HPSE: variants seen among roughly 807,000 people sequenced by gnomAD.
HPSE encodes the protein heparanase, also known as endo-glucoronidase.
Under a neutral mutation model 65.1 loss-of-function variants are expected in HPSE, and 48 were observed. That is an observed-to-expected ratio of 0.74 (90% confidence interval 0.58 to 0.94). HPSE has a LOEUF of 0.94. HPSE is among the 40% of genes least tolerant of loss of function. HPSE has a pLI of 0.00. For missense variants in HPSE, 644 were observed against 637.5 expected, an observed-to-expected ratio of 1.01 and a Z score of -0.11; for synonymous variants, 243 against 260.0, an observed-to-expected ratio of 0.93 and a Z score of 0.63.
At chr4:83,309,826 T>G (rs1048615399) in intron 6 of HPSE, among the ~76,000 whole-genome samples, 1 of 152,262 alleles carries the variant, frequency 6.6e-6, no homozygotes, top group Non-Finnish European at 1.5e-5. Context: ...TAAAGTGATC[T>G]TTATAGAAAC....
intron 2 of HPSE, among the ~76,000 whole-genome samples, chr4:83,321,987 CTTTTTT>C (rs36002405): frequency 5.4e-5 from 5 of 92,558 alleles, no homozygotes; most frequent in Non-Finnish European, 9.6e-5. Flanking sequence ...TCCAGGACGC[CTTTTTT>C]TTTTTTTTTT....
At chr4:83,324,100 ACTT>A (rs1333975125) in intron 1 of HPSE, among the ~76,000 whole-genome samples, 5 of 133,422 alleles carry the variant, frequency 3.7e-5, no homozygotes, top group African/African-American at 1.2e-4. Context: ...GATTGCCAAT[ACTT>A]CTTCTTCTTC....
At chr4:83,303,006 A>T (rs1160019189) in intron 9 of HPSE, among the ~76,000 whole-genome samples, 1 of 152,156 alleles carries the variant, frequency 6.6e-6, no homozygotes, top group East Asian at 1.9e-4. Context: ...TTAAAAAAAA[A>T]TTTATTTTAA....
intron 11 of HPSE, among the ~76,000 whole-genome samples, chr4:83,296,100 A>G (rs1303597280): frequency 6.6e-6 from 1 of 152,186 alleles, no homozygotes; most frequent in East Asian, 1.9e-4. Flanking sequence ...AGAAAATTTT[A>G]TATTTTCTAT....
chr4:83,315,476 C>T (rs888811364), intron 3 of HPSE, among the ~76,000 whole-genome samples: 2 of 152,188 alleles, frequency 1.3e-5, no homozygotes, highest in African/African-American at 2.4e-5. Flanking sequence ...CCCAATATCA[C>T]GCAGCCGTTT....
chr4:83,324,526 A>G (rs1217913340), intron 1 of HPSE, among the ~76,000 whole-genome samples: 2 of 152,190 alleles, frequency 1.3e-5, no homozygotes, highest in South Asian at 4.1e-4. Flanking sequence ...GTCCCTAAAA[A>G]TACGGTGGGC....
chr4:83,302,560 C>T (rs4364254), intron 9 of HPSE, among the ~76,000 whole-genome samples: 96,444 of 152,044 alleles, frequency 0.63, 31,331 homozygotes, highest in East Asian at 0.74. Context: ...TCTTGGTTAT[C>T]GTTCATCCAA....
At position 83,308,938 on chromosome 4, in the gene HPSE, G is replaced by A; in HGVS notation, c.998C>T (p.Thr333Ile). 2 of 1,614,110 alleles carry A rather than the reference G, an allele frequency of 1.2e-6. No homozygotes were observed. Among genetic ancestry groups the A allele is most frequent in the Non-Finnish European group, 1.7e-6 (2 of 1,179,970 alleles). ...VQKVFQVVESTRPGKKVWLGE... is the reference protein window; with the variant it reads ...VQKVFQVVESIRPGKKVWLGE... ...TAACCAGACCTTCTTGCCAGGCCTG[G>A]TGCTCTCAACCACCTATAGAACAGA... Residue 333 changes from threonine (T) to isoleucine (I), a missense_variant, in exon 8 of 12, where the codon ACC becomes ATC. Transcript: ENST00000311412.
rs750479192 is a variant in HPSE, at chr4:83,334,557, C to G, written c.226G>C (p.Gly76Arg). Residue 76 changes from glycine to arginine, a missense_variant and splice_region_variant, in exon 1 of 12, where the codon GGT becomes CGT. By Grantham distance (125) the Gly-to-Arg change is moderately radical. Transcript: ENST00000311412. Reference sequence around the variant, plus strand: ...CAGGACCAGGAGGCTGGCGCTTACCCCAGGAGGATGAGGAACCGCGGGTCC... The same window carrying G: ...CAGGACCAGGAGGCTGGCGCTTACCGCAGGAGGATGAGGAACCGCGGGTCC... The part of the protein sequence containing the change: ...ATDPRFLILL[G>R]SPKLRTLARG... 5 of 1,578,192 alleles carry G rather than the reference C, an allele frequency of 3.2e-6. 1 individual carries two copies. Among genetic ancestry groups the G allele is most frequent in the Middle Eastern group, 3.5e-4 (2 of 5,778 alleles).
chr4:83,322,908 C>A (rs1479135873), intron 1 of HPSE, among the ~76,000 whole-genome samples: 1 of 149,886 alleles, frequency 6.7e-6, no homozygotes. Flanking sequence ...TCAAGTGATG[C>A]TTCTGCCACA....
chr4:83,306,851 G>C (rs2126186215), intron 8 of HPSE, among the ~76,000 whole-genome samples: 1 of 152,294 alleles, frequency 6.6e-6, no homozygotes, highest in Non-Finnish European at 1.5e-5. Flanking sequence ...CTGGCTCCAA[G>C]AGTCTGAACC....
chr4:83,322,789 T>TGTG (rs1560514324), intron 1 of HPSE, among the ~76,000 whole-genome samples: 1,323 of 104,038 alleles, frequency 0.013, 31 homozygotes, highest in African/African-American at 0.017. Flanking sequence ...AAGAGCTTGT[T>TGTG]TGTGTGTGTG....
chr4:83,334,668 C>T lies in HPSE; in HGVS notation c.115G>A (p.Val39Met). Reference protein sequence around the residue: ...LPRPAQAQDVVDLDFFTQEPL... With the variant: ...LPRPAQAQDVMDLDFFTQEPL... The stretch of plus-strand genomic sequence containing the variant: ...TCCTGGGTGAAGAAGTCCAGGTCCA[C>T]GACGTCCTGTGCTTGCGCAGGTCGG... Residue 39 changes from valine (V) to methionine (M), a missense_variant, in exon 1 of 12, where the codon GTG becomes ATG. Physicochemically the swap from Val to Met is conservative, Grantham distance 21. Transcript: ENST00000311412. 5.1e-6 allele frequency: 8 copies of T among 1,577,582 alleles called. No homozygotes were observed. The highest frequency in any genetic ancestry group is 1.7e-4 in the Middle Eastern group (1 of 5,970).
chr4:83,327,505 G>T (rs1370662062), intron 1 of HPSE, among the ~76,000 whole-genome samples: 1 of 152,028 alleles, frequency 6.6e-6, no homozygotes, highest in Non-Finnish European at 1.5e-5. Flanking sequence ...AAAAATAAAG[G>T]AAAAATAATC....
chr4:83,298,349 C>T (rs544622044), intron 11 of HPSE, among the ~76,000 whole-genome samples: 14 of 152,208 alleles, frequency 9.2e-5, no homozygotes, highest in African/African-American at 3.4e-4. Flanking sequence ...AAAATATGTT[C>T]ACTCAGCCCA....
At chr4:83,333,234 T>G (rs1737469896) in intron 1 of HPSE, among the ~76,000 whole-genome samples, 1 of 152,206 alleles carries the variant, frequency 6.6e-6, no homozygotes, top group Non-Finnish European at 1.5e-5. Flanking sequence ...GGTCAAACAC[T>G]GAGAAGCTCT....
intron 1 of HPSE, among the ~76,000 whole-genome samples, chr4:83,330,309 T>C (rs1016725435): frequency 2.0e-5 from 3 of 152,210 alleles, no homozygotes; most frequent in African/African-American, 7.2e-5. Context: ...AGAGGAGATA[T>C]TCTGTGAGGA....
Position 83,301,070 on chromosome 4 carries a change from GGCATACAGA to G in HPSE, c.1353_1361del (p.Leu452_Ala454del), listed in dbSNP as rs768941645. 6.2e-7 allele frequency: 1 copy of G among 1,604,014 alleles called. No homozygotes were observed. The highest frequency in any genetic ancestry group is 1.1e-5 in the South Asian group (1 of 89,606). ...ACTTGGTGACATTATGGAGGTTTAT[GGCATACAGA>G]GTTAAATCTCCTTCTTTATACCTTG... is the stretch of plus-strand genomic sequence containing the variant. On this transcript the variant is annotated inframe_deletion, in exon 11 of 12. Coordinates refer to ENST00000311412, the MANE Select transcript of HPSE (RefSeq NM_001098540.3).
chr4:83,319,501 G>A (rs12501123), intron 2 of HPSE, 32 bp from the exon 3 acceptor site: 1,251,521 of 1,601,002 alleles, frequency 0.78, 490,395 homozygotes, highest in African/African-American at 0.85. Context: ...TAGAAGGTCT[G>A]TTTTCACAGT....
Sources: allele counts gnomAD v4.1 joint callset (sites outside exome capture counted in the v4.1 genomes callset), GRCh38; gene constraint gnomAD v4.1.1; transcripts MANE v1.5; gene names NCBI Gene and HGNC (gene_info 2026-07-23, HGNC 2026-07-21).